Variants in SLC4A10 observed in about 807,000 individuals in gnomAD.
SLC4A10 encodes the protein solute carrier family 4 member 10.
SLC4A10 carries 42 observed loss-of-function variants against 137.7 expected under a neutral mutation model. That is an observed-to-expected ratio of 0.30 (90% CI 0.24 to 0.39). The LOEUF is 0.39. Among genes scored for constraint, SLC4A10 ranks in the 10% least tolerant of loss-of-function variants. SLC4A10 has a pLI of 1.00. For synonymous variants in SLC4A10, 474 were observed against 464.1 expected (o/e 1.02, Z -0.27); for missense variants, 925 against 1,355.0 (o/e 0.68, Z 4.98).
At chr2:161,658,647 G>A (rs183805652) in intron 1 of SLC4A10, among the ~76,000 whole-genome samples, 1 of 146,584 alleles carries the variant, frequency 6.8e-6, no homozygotes, top group East Asian at 2.0e-4. Flanking sequence ...AGGCTGGAGT[G>A]CAGTGGTACA....
chr2:161,700,427 G>A (rs2043004415), intron 1 of SLC4A10, among the ~76,000 whole-genome samples: 1 of 152,090 alleles, frequency 6.6e-6, no homozygotes, highest in African/African-American at 2.4e-5. Context: ...AATGGCCATT[G>A]GATGTGGAAA....
intron 26 of SLC4A10, among the ~76,000 whole-genome samples, chr2:161,980,222 C>T (rs1197906351): frequency 6.6e-6 from 1 of 152,198 alleles, no homozygotes; most frequent in Admixed American, 6.5e-5. Flanking sequence ...AGGCTAGTCT[C>T]TGGGACTATC....
chr2:161,646,247 C>A (rs972977630), intron 1 of SLC4A10, among the ~76,000 whole-genome samples: 8 of 151,954 alleles, frequency 5.3e-5, no homozygotes, highest in Non-Finnish European at 7.4e-5. Flanking sequence ...GTTTTTATGA[C>A]TCGTAGTGAT....
chr2:161,826,910 A>C (rs1487416081), intron 3 of SLC4A10, among the ~76,000 whole-genome samples: 1 of 152,042 alleles, frequency 6.6e-6, no homozygotes, highest in Non-Finnish European at 1.5e-5. Context: ...ACAACATCCA[A>C]CATTATTGAC....
At chr2:161,913,951 A>T (rs982836065) in intron 15 of SLC4A10, among the ~76,000 whole-genome samples, 1 of 152,178 alleles carries the variant, frequency 6.6e-6, no homozygotes, top group East Asian at 1.9e-4. Flanking sequence ...TCATTCATTC[A>T]TCTCTACTCT....
At chr2:161,764,759 C>T (rs906623025) in intron 1 of SLC4A10, among the ~76,000 whole-genome samples, 1 of 152,032 alleles carries the variant, frequency 6.6e-6, no homozygotes, top group African/African-American at 2.4e-5. Context: ...GCTGCTCTTC[C>T]ATGAGGAAAT....
chr2:161,906,353 TA>T (rs1684354451), intron 15 of SLC4A10, among the ~76,000 whole-genome samples: 1 of 152,200 alleles, frequency 6.6e-6, no homozygotes, highest in Non-Finnish European at 1.5e-5. Flanking sequence ...GGTAAAAACA[TA>T]AATCACTGAA....
At position 161,961,547 on chromosome 2, in the gene SLC4A10, C is replaced by CTT. The variant is rs34418446; in HGVS notation, c.2863-2574_2863-2573dup. 2.1e-3 allele frequency among the ~76,000 whole-genome samples: 290 copies of CTT among 137,432 alleles called. 6 individuals carry two copies. Among genetic ancestry groups the CTT allele is most frequent in the East Asian group, 5.9e-3 (28 of 4,720 alleles). The allele number at this position is 137,432 out of a possible 152,430, so 90.2% of individuals were successfully genotyped here. A position where few individuals can be genotyped will look rare whatever the true frequency, so the allele number is the denominator to read the frequency against. On this transcript the variant is annotated intron_variant, in intron 21 of 26. Transcript: ENST00000446997. The stretch of plus-strand genomic sequence containing the variant: ...TTTGTTTATTTGTTTTTCTTTTTCC[C>CTT]TTTTTTTTTTTTTTTGCCTTTGGCA...
intron 1 of SLC4A10, among the ~76,000 whole-genome samples, chr2:161,758,889 T>G (rs2049952635): frequency 6.6e-6 from 1 of 151,956 alleles, no homozygotes; most frequent in Non-Finnish European, 1.5e-5. Context: ...GAAGCAAAGA[T>G]AGGTACTTGA....
At chr2:161,721,796 A>G (rs1299387628) in intron 1 of SLC4A10, among the ~76,000 whole-genome samples, 1 of 152,136 alleles carries the variant, frequency 6.6e-6, no homozygotes, top group African/African-American at 2.4e-5. Flanking sequence ...ATTTGGTTCC[A>G]TTCTTTCCAT....
chr2:161,692,182 G>T (rs2042069898), intron 1 of SLC4A10, among the ~76,000 whole-genome samples: 1 of 152,100 alleles, frequency 6.6e-6, no homozygotes, highest in South Asian at 2.1e-4. Flanking sequence ...TAAGCATATG[G>T]TTCCACACGT....
chr2:161,871,633 A>G (rs2061133039), intron 6 of SLC4A10, among the ~76,000 whole-genome samples: 1 of 152,094 alleles, frequency 6.6e-6, no homozygotes, highest in South Asian at 2.1e-4. Flanking sequence ...TGCAAAACTA[A>G]TACAATTCAA....
intron 1 of SLC4A10, among the ~76,000 whole-genome samples, chr2:161,628,234 A>T (rs2032832536): frequency 6.6e-6 from 1 of 152,078 alleles, no homozygotes; most frequent in Non-Finnish European, 1.5e-5. Flanking sequence ...TATAACTTAT[A>T]TTTATATCTC....
intron 10 of SLC4A10, among the ~76,000 whole-genome samples, chr2:161,889,698 A>G (rs62188807): frequency 0.069 from 10,413 of 151,956 alleles, 461 homozygotes; most frequent in East Asian, 0.13. Context: ...TCTGGCTAGC[A>G]TCTATCTATT....
At position 161,964,319 on chromosome 2, in the gene SLC4A10, T is replaced by G. The variant is rs377288907; in HGVS notation, c.3036+11T>G. 43 of 1,612,592 alleles carry G rather than the reference T, an allele frequency of 2.7e-5. No individual in the cohort carries two copies. Among genetic ancestry groups the G allele is most frequent in the Non-Finnish European group, 3.6e-5 (42 of 1,179,258 alleles). On this transcript the variant is annotated intron_variant, in intron 22 of 26. Coordinates refer to ENST00000446997, the MANE Select transcript of SLC4A10 (RefSeq NM_001178015.2). Reference sequence around the variant, plus strand: ...GTCTTTCCCATGATGGTATGAAACTTCTGTCAACTATTTTTCTCTTTCTCT... The same window carrying G: ...GTCTTTCCCATGATGGTATGAAACTGCTGTCAACTATTTTTCTCTTTCTCT...
intron 1 of SLC4A10, among the ~76,000 whole-genome samples, chr2:161,666,486 T>G (rs1261560773): frequency 1.3e-5 from 2 of 151,688 alleles, no homozygotes; most frequent in Non-Finnish European, 3.0e-5. Flanking sequence ...GGGCCCAATC[T>G]CTACCAAATA....
intron 15 of SLC4A10, among the ~76,000 whole-genome samples, chr2:161,941,306 G>A (rs1296381693): frequency 6.6e-6 from 1 of 152,120 alleles, no homozygotes; most frequent in Non-Finnish European, 1.5e-5. Flanking sequence ...ATCACAACCT[G>A]CAAGTGGGAA....
intron 15 of SLC4A10, among the ~76,000 whole-genome samples, chr2:161,917,564 G>C (rs1687339159): frequency 6.7e-6 from 1 of 148,876 alleles, no homozygotes; most frequent in Non-Finnish European, 1.5e-5. Context: ...GACAAAAGAG[G>C]GAGACCCTGT....
At chr2:161,777,323 G>T (rs2052470287) in intron 2 of SLC4A10, among the ~76,000 whole-genome samples, 1 of 151,606 alleles carries the variant, frequency 6.6e-6, no homozygotes, top group Non-Finnish European at 1.5e-5. Context: ...TAGATCTATT[G>T]GTTGTGTCCT....
Sources: allele counts gnomAD v4.1 joint callset (sites outside exome capture counted in the v4.1 genomes callset), GRCh38; gene constraint gnomAD v4.1.1; transcripts MANE v1.5; gene names NCBI Gene and HGNC (gene_info 2026-07-23, HGNC 2026-07-21).